ADRA1B: variants seen among roughly 807,000 people sequenced by gnomAD.
ADRA1B encodes alpha-1B adrenergic receptor.
In ADRA1B, 17 loss-of-function variants were observed where a neutral mutation model predicts 17.9. The observed-to-expected ratio is 0.95, with a 90% CI of 0.65 to 1.42. The LOEUF (loss-of-function observed/expected upper bound fraction) is 1.42. Ranked by LOEUF, ADRA1B falls within the 40% of genes most tolerant of loss-of-function variation. ADRA1B has a pLI of 0.00. For missense variants in ADRA1B, 681 were observed against 722.1 expected (o/e 0.94, Z 0.65); for synonymous variants, 366 against 327.6 (o/e 1.12, Z -1.27).
intron 1 of ADRA1B, among the ~76,000 whole-genome samples, chr5:159,957,594 TAGTTTTCTATTG>T (rs1268726179): frequency 6.6e-6 from 1 of 152,036 alleles, no homozygotes; most frequent in Non-Finnish European, 1.5e-5. Context: ...TCATATGATT[TAGTTTTCTATTG>T]AGTTTTCTCT....
chr5:159,918,835 C>A (rs942166746), intron 1 of ADRA1B, among the ~76,000 whole-genome samples: 7 of 152,204 alleles, frequency 4.6e-5, no homozygotes, highest in African/African-American at 1.7e-4. Context: ...TCCTCTGAGG[C>A]ACTGATCTGC....
intron 1 of ADRA1B, among the ~76,000 whole-genome samples, chr5:159,963,291 T>C (rs1755712003): frequency 7.6e-6 from 1 of 130,990 alleles, no homozygotes; most frequent in Admixed American, 7.4e-5. Flanking sequence ...AAAAAAAGTA[T>C]ATATATATAT....
chr5:159,905,206 G>C (rs1383818411), intron 1 of ADRA1B, among the ~76,000 whole-genome samples: 1 of 152,234 alleles, frequency 6.6e-6, no homozygotes, highest in Non-Finnish European at 1.5e-5. Context: ...TTGAAAGGAA[G>C]AGAGGGTTGC....
intron 1 of ADRA1B, among the ~76,000 whole-genome samples, chr5:159,945,585 G>C (rs1755246569): frequency 6.6e-6 from 1 of 152,144 alleles, no homozygotes; most frequent in African/African-American, 2.4e-5. Flanking sequence ...CAGGAGGAGA[G>C]AGGTGGCAGA....
At chr5:159,963,983 C>G (rs1044226341) in intron 1 of ADRA1B, among the ~76,000 whole-genome samples, 4 of 152,104 alleles carry the variant, frequency 2.6e-5, no homozygotes, top group African/African-American at 9.7e-5. Flanking sequence ...CCTCACCACC[C>G]CACCCCGGAA....
At chr5:159,936,656 CA>C (rs11381811) in intron 1 of ADRA1B, among the ~76,000 whole-genome samples, 63 of 145,992 alleles carry the variant, frequency 4.3e-4, no homozygotes, top group Admixed American at 4.8e-4. Flanking sequence ...ATTCAAACCA[CA>C]AAAAAAAAAA....
chr5:159,918,416 G>A (rs972100645), intron 1 of ADRA1B, among the ~76,000 whole-genome samples: 8 of 152,090 alleles, frequency 5.3e-5, no homozygotes, highest in Non-Finnish European at 1.0e-4. Context: ...GATATACTAC[G>A]TTCATTATCC....
intron 1 of ADRA1B, among the ~76,000 whole-genome samples, chr5:159,939,316 T>C (rs372472643): frequency 0.013 from 1,552 of 119,424 alleles, 25 homozygotes; most frequent in East Asian, 0.08. Flanking sequence ...TGTGTGTGTG[T>C]GTGTGTGCGC....
intron 1 of ADRA1B, among the ~76,000 whole-genome samples, chr5:159,902,749 G>T (rs1184086631): frequency 6.6e-6 from 1 of 152,228 alleles, no homozygotes; most frequent in Non-Finnish European, 1.5e-5. Flanking sequence ...ACAAATGAAA[G>T]AGTGGATGTA....
At chr5:159,903,437 AACT>A (rs1754124489) in intron 1 of ADRA1B, among the ~76,000 whole-genome samples, 1 of 152,214 alleles carries the variant, frequency 6.6e-6, no homozygotes, top group South Asian at 2.1e-4. Flanking sequence ...CTGTAAATTT[AACT>A]ACTATTTTTG....
chr5:159,881,738 C>T (rs1320449006), intron 1 of ADRA1B, among the ~76,000 whole-genome samples: 1 of 152,164 alleles, frequency 6.6e-6, no homozygotes, highest in Non-Finnish European at 1.5e-5. Context: ...GCTGACATCT[C>T]TTGTACACCT....
At chr5:159,866,641 C>G (rs1317789398) in intron 1 of ADRA1B, among the ~76,000 whole-genome samples, 1 of 151,112 alleles carries the variant, frequency 6.6e-6, no homozygotes, top group East Asian at 1.9e-4. Flanking sequence ...GTGCCACTCA[C>G]AGTGTAGTGG....
Position 159,882,066 on chromosome 5 carries a change from C to T in ADRA1B, c.-256+16860C>T, listed in dbSNP as rs79317298. Reference sequence around the variant, plus strand: ...CTGCAAGCGCTGAACACAAAAACTGCTCATTTTCTTCCTCCCTGTGTGCAT... The same window carrying T: ...CTGCAAGCGCTGAACACAAAAACTGTTCATTTTCTTCCTCCCTGTGTGCAT... On this transcript the variant is annotated intron_variant, in intron 1 of 2. Coordinates refer to the ADRA1B transcript ENST00000641205. Among the ~76,000 whole-genome samples, 1,267 of 152,324 alleles carry T rather than the reference C, an allele frequency of 8.3e-3. 13 individuals carry two copies. Among genetic ancestry groups the T allele is most frequent in the Non-Finnish European group, 0.012 (800 of 68,028 alleles).
chr5:159,879,686 G>A (rs912543972), intron 1 of ADRA1B, among the ~76,000 whole-genome samples: 6 of 152,234 alleles, frequency 3.9e-5, no homozygotes, highest in Middle Eastern at 3.4e-3. Context: ...CCTGTGACTC[G>A]GTGTTTAAGC....
At chr5:159,899,822 A>G (rs1754082636) in intron 1 of ADRA1B, among the ~76,000 whole-genome samples, 1 of 152,212 alleles carries the variant, frequency 6.6e-6, no homozygotes, top group Admixed American at 6.5e-5. Flanking sequence ...GTGTGTCCTC[A>G]GGCAAGATCT....
chr5:159,981,300 T>C, the ADRA1B span, among the ~76,000 whole-genome samples: 5 of 152,088 alleles, frequency 3.3e-5, no homozygotes, highest in African/African-American at 4.8e-5. Flanking sequence ...ACCTACTAGA[T>C]GCTAGCAGCA....
chr5:159,951,776 G>C (rs1281448373), intron 1 of ADRA1B, among the ~76,000 whole-genome samples: 1 of 152,182 alleles, frequency 6.6e-6, no homozygotes, highest in Non-Finnish European at 1.5e-5. Flanking sequence ...AACAAGGGCT[G>C]TTGTGCCCTT....
intron 1 of ADRA1B, chr5:159,950,726 T>C: frequency 1.5e-6 from 1 of 667,866 alleles, no homozygotes; most frequent in Non-Finnish European, 2.8e-6. Flanking sequence ...ACCACCTTCT[T>C]AATGTCATCA....
chr5:159,960,650 C>G (rs1289309763), intron 1 of ADRA1B, among the ~76,000 whole-genome samples: 1 of 151,346 alleles, frequency 6.6e-6, no homozygotes, highest in African/African-American at 2.4e-5. Context: ...GCCAGTCTGG[C>G]CTGGGCAACA....
Sources: gnomAD v4.1 joint callset for allele counts (sites outside exome capture counted in the v4.1 genomes callset) on GRCh38, gnomAD v4.1.1 for gene constraint, MANE v1.5 for transcripts, NCBI Gene and HGNC (gene_info 2026-07-23, HGNC 2026-07-21) for gene names.